Variants in TANC1 observed in about 807,000 individuals in gnomAD.
TANC1 encodes the protein tetratricopeptide repeat, ankyrin repeat and coiled-coil containing 1, also known as protein TANC1.
In TANC1, 77 loss-of-function variants were observed where a neutral mutation model predicts 149.7. That is an observed-to-expected ratio of 0.51 (90% confidence interval 0.43 to 0.62). The LOEUF (loss-of-function observed/expected upper bound fraction) is 0.62, where lower values mean the gene tolerates loss of function less well. Among genes scored for constraint, TANC1 ranks in the 20% least tolerant of loss-of-function variants. The pLI is 0.00. For synonymous variants in TANC1, 854 were observed against 925.0 expected (o/e 0.92, Z 1.39); for missense variants, 1,985 against 2,321.8 (o/e 0.85, Z 2.98).
chr2:159,158,184 T>A (rs2053632350), intron 7 of TANC1, among the ~76,000 whole-genome samples: 1 of 152,060 alleles, frequency 6.6e-6, no homozygotes, highest in South Asian at 2.1e-4. Context: ...AGGGAGATTT[T>A]GTTTCTACAA....
At chr2:159,130,715 C>G (rs1249361736) in intron 4 of TANC1, among the ~76,000 whole-genome samples, 1 of 152,094 alleles carries the variant, frequency 6.6e-6, no homozygotes, top group African/African-American at 2.4e-5. Flanking sequence ...CTTCTTTTCT[C>G]TCATTCCTTA....
chr2:159,214,245 A>T (rs2059200851), intron 19 of TANC1, among the ~76,000 whole-genome samples: 1 of 152,176 alleles, frequency 6.6e-6, no homozygotes, highest in Non-Finnish European at 1.5e-5. Context: ...TGAAATTTGG[A>T]CTAAGCATTT....
At chr2:159,213,397 C>T (rs991863912) in intron 19 of TANC1, among the ~76,000 whole-genome samples, 2 of 151,672 alleles carry the variant, frequency 1.3e-5, no homozygotes, top group Non-Finnish European at 2.9e-5. Context: ...CCCTGGTTTC[C>T]AAACATTTTA....
intron 19 of TANC1, among the ~76,000 whole-genome samples, chr2:159,204,044 G>C (rs1017152625): frequency 2.0e-5 from 3 of 152,240 alleles, no homozygotes; most frequent in Non-Finnish European, 2.9e-5. Context: ...TTGAGTACTT[G>C]AAATGTGACT....
intron 2 of TANC1, among the ~76,000 whole-genome samples, chr2:159,008,162 ATTTCAGC>A (rs2037403689): frequency 6.6e-6 from 1 of 152,234 alleles, no homozygotes; most frequent in Non-Finnish European, 1.5e-5. Flanking sequence ...TGTTACTGGA[ATTTCAGC>A]TTATGCTGTG....
intron 3 of TANC1, among the ~76,000 whole-genome samples, chr2:159,079,931 G>T (rs778610661): frequency 6.6e-6 from 1 of 152,164 alleles, no homozygotes; most frequent in Non-Finnish European, 1.5e-5. Flanking sequence ...TGCATGGGAG[G>T]GGTTTTAGAA....
intron 19 of TANC1, among the ~76,000 whole-genome samples, chr2:159,213,825 A>G (rs1043789153): frequency 2.6e-5 from 4 of 152,090 alleles, no homozygotes; most frequent in African/African-American, 7.2e-5. Context: ...GCCCCAAGGT[A>G]TTAGAATTTA....
At chr2:159,208,492 T>C (rs180882953) in intron 19 of TANC1, among the ~76,000 whole-genome samples, 8 of 152,362 alleles carry the variant, frequency 5.3e-5, no homozygotes, top group African/African-American at 9.6e-5. Flanking sequence ...ACAGTAGAGT[T>C]TGTAACATGG....
At chr2:159,052,942 T>G (rs2041575949) in intron 2 of TANC1, among the ~76,000 whole-genome samples, 1 of 152,232 alleles carries the variant, frequency 6.6e-6, no homozygotes, top group Non-Finnish European at 1.5e-5. Flanking sequence ...CTATCTGTGT[T>G]TCAATATAAT....
intron 17 of TANC1, among the ~76,000 whole-genome samples, chr2:159,194,898 A>G (rs2057737822): frequency 6.6e-6 from 1 of 152,180 alleles, no homozygotes; most frequent in Non-Finnish European, 1.5e-5. Flanking sequence ...CCATGAACTC[A>G]TGAAGAAGCC....
At chr2:159,151,059 C>T (rs374109276) in intron 7 of TANC1, among the ~76,000 whole-genome samples, 2 of 152,140 alleles carry the variant, frequency 1.3e-5, no homozygotes, top group African/African-American at 4.8e-5. Flanking sequence ...GCCCCTACAC[C>T]CACGTAATAA....
intron 22 of TANC1, among the ~76,000 whole-genome samples, chr2:159,220,105 C>T (rs1195678318): frequency 1.3e-5 from 2 of 151,344 alleles, no homozygotes; most frequent in Non-Finnish European, 2.9e-5. Flanking sequence ...CTCTTAAAAG[C>T]TTAAAAATAC....
At chr2:159,067,778 C>T (rs1224805684) in intron 3 of TANC1, among the ~76,000 whole-genome samples, 1 of 152,162 alleles carries the variant, frequency 6.6e-6, no homozygotes, top group African/African-American at 2.4e-5. Context: ...GGTAACAGTT[C>T]TTCAAAACAG....
At chr2:159,009,789 G>A (rs2037581474) in intron 2 of TANC1, among the ~76,000 whole-genome samples, 1 of 151,962 alleles carries the variant, frequency 6.6e-6, no homozygotes, top group African/African-American at 2.4e-5. Flanking sequence ...AATGTTTGAG[G>A]TGTTACATGT....
chr2:159,094,772 T>TTG (rs1477656555), intron 3 of TANC1, among the ~76,000 whole-genome samples: 17 of 66,900 alleles, frequency 2.5e-4, no homozygotes, highest in African/African-American at 1.7e-3. Context: ...CTTGTGTGTG[T>TTG]GTGGGGGGGG....
In TANC1 at chr2:159,149,996, G is replaced by C. The variant is rs1159393282; in HGVS notation, c.496-374G>C. 4.9e-5 allele frequency: 9 copies of C among 183,560 alleles called. No individual in the cohort carries two copies. In the East Asian group the frequency reaches 6.3e-4, roughly 13 times the overall value. 11.4% of individuals were successfully genotyped at this position (183,560 alleles called of 1,614,324 possible). On this transcript the variant is annotated intron_variant, in intron 6 of 26. Transcript: ENST00000263635. ...CAAAAACAGAGCTCCCAGGTCTTCC[G>C]TACAGAGGTCAAATAACCCATTTGT...
intron 2 of TANC1, among the ~76,000 whole-genome samples, chr2:159,034,814 A>G (rs1574251119): frequency 6.6e-6 from 1 of 152,264 alleles, no homozygotes; most frequent in East Asian, 1.9e-4. Context: ...TTTCTGTGGT[A>G]TTGTTTCCAC....
chr2:159,109,487 TTA>T (rs1474823249), intron 4 of TANC1, among the ~76,000 whole-genome samples: 2 of 152,228 alleles, frequency 1.3e-5, no homozygotes, highest in Non-Finnish European at 2.9e-5. Flanking sequence ...ATTAATGCCC[TTA>T]TATAAGAAGA....
At chr2:159,007,065 T>C (rs1423201147) in intron 2 of TANC1, among the ~76,000 whole-genome samples, 1 of 151,894 alleles carries the variant, frequency 6.6e-6, no homozygotes, top group African/African-American at 2.4e-5. Context: ...ACAGACCACA[T>C]ATACAATGGT....
Sources: allele counts gnomAD v4.1 joint callset (sites outside exome capture counted in the v4.1 genomes callset), GRCh38; gene constraint gnomAD v4.1.1; transcripts MANE v1.5; gene names NCBI Gene and HGNC (gene_info 2026-07-23, HGNC 2026-07-21).